The following SAMMSON variants were observed in gnomAD, a reference collection of about 807,000 sequenced individuals.
The protein encoded by SAMMSON is long intergenic non-protein coding RNA 1212.
chr3:70,020,771 T>G (rs1479314119), intron 3 of SAMMSON, among the ~76,000 whole-genome samples: 1 of 152,168 alleles, frequency 6.6e-6, no homozygotes, highest in East Asian at 1.9e-4. Context: ...CCTTTTACAA[T>G]TCAGGCATGA....
rs1448276510 is a variant in SAMMSON at position 70,337,375 on chromosome 3, G to C, written n.740-16800G>C. Among the ~76,000 whole-genome samples the C allele has an allele frequency of 2.0e-5, 3 of 151,362 alleles. No individual in the cohort carries two copies. In the East Asian group the frequency reaches 5.8e-4, roughly 29 times the overall value. On this transcript the variant is annotated intron_variant and non_coding_transcript_variant, in intron 7 of 9. Coordinates refer to ENST00000642114, the Ensembl canonical transcript of SAMMSON. Reference sequence around the variant, plus strand: ...CTTCTAGTCAAAGCTTCCTGAGAGTGGGCTGGCAAAGTTGGAATATAGCTA... The same window carrying C: ...CTTCTAGTCAAAGCTTCCTGAGAGTCGGCTGGCAAAGTTGGAATATAGCTA...
chr3:70,329,688 G>T (rs1051268031), intron 7 of SAMMSON, among the ~76,000 whole-genome samples: 10 of 151,870 alleles, frequency 6.6e-5, no homozygotes, highest in Non-Finnish European at 8.8e-5. Context: ...AAATTCATTT[G>T]TAGACATATT....
chr3:70,205,683 G>C (rs1021095368), intron 4 of SAMMSON: 3 of 152,094 alleles, frequency 2.0e-5, no homozygotes, highest in African/African-American at 7.2e-5. Context: ...AGAGGCAGAA[G>C]TGAAACTGAT....
rs535484643 is a variant in SAMMSON, at chr3:70,372,387, T to C, written n.913+14063T>C. 2.6e-4 allele frequency among the ~76,000 whole-genome samples: 40 copies of C among 152,156 alleles called. No individual in the cohort carries two copies. The South Asian group carries it at 8.3e-3, about 32-fold the overall frequency. On this transcript the variant is annotated intron_variant and non_coding_transcript_variant, in intron 9 of 9. Transcript: ENST00000642114. ...AGTACAATGGCGTGATCTTGGCTCA[T>C]TGCAACCTCCATCTCACAGGTTCAA...
chr3:70,228,092 T>TA (rs1165078906), intron 4 of SAMMSON, among the ~76,000 whole-genome samples: 1 of 151,936 alleles, frequency 6.6e-6, no homozygotes, highest in Non-Finnish European at 1.5e-5. Flanking sequence ...CTACTACTGT[T>TA]AAAATAACAT....
At chr3:70,211,863 TC>T (rs1250969610) in intron 4 of SAMMSON, among the ~76,000 whole-genome samples, 3 of 148,498 alleles carry the variant, frequency 2.0e-5, no homozygotes, top group Non-Finnish European at 4.5e-5. Context: ...TGCTTTTCTT[TC>T]TCCCTTCCCT....
intron 4 of SAMMSON, among the ~76,000 whole-genome samples, chr3:70,229,771 C>T (rs1008731081): frequency 6.6e-6 from 1 of 152,132 alleles, no homozygotes; most frequent in African/African-American, 2.4e-5. Flanking sequence ...TATCTATCTG[C>T]ATTGAGATTT....
chr3:70,161,009 A>C (rs1029773077), intron 4 of SAMMSON, among the ~76,000 whole-genome samples: 1 of 152,008 alleles, frequency 6.6e-6, no homozygotes, highest in Non-Finnish European at 1.5e-5. Flanking sequence ...TTAGTTTTGT[A>C]TGTTGATCTT....
chr3:70,076,894 CA>C (rs1385734011), intron 4 of SAMMSON, among the ~76,000 whole-genome samples: 2 of 152,002 alleles, frequency 1.3e-5, no homozygotes, highest in Non-Finnish European at 2.9e-5. Context: ...TATATTTGTT[CA>C]GGGGCTGAAA....
intron 4 of SAMMSON, among the ~76,000 whole-genome samples, chr3:70,097,444 T>C (rs1425475498): frequency 1.3e-5 from 2 of 152,220 alleles, no homozygotes; most frequent in Admixed American, 6.5e-5. Flanking sequence ...TGAATAAACT[T>C]CTTTTGCTAT....
At chr3:70,097,682 T>A (rs1001739837) in intron 4 of SAMMSON, among the ~76,000 whole-genome samples, 4 of 152,164 alleles carry the variant, frequency 2.6e-5, no homozygotes, top group African/African-American at 7.2e-5. Flanking sequence ...GGATTATATT[T>A]TTGACTTTCT....
intron 4 of SAMMSON, among the ~76,000 whole-genome samples, chr3:70,132,307 G>T (rs1177879562): frequency 6.6e-6 from 1 of 152,078 alleles, no homozygotes; most frequent in Non-Finnish European, 1.5e-5. Flanking sequence ...TGCACAGAGG[G>T]CCTTTTTGTC....
At chr3:70,126,104 T>C (rs1441541613) in intron 4 of SAMMSON, 2 of 1,249,822 alleles carry the variant, frequency 1.6e-6, no homozygotes, top group Non-Finnish European at 2.3e-6. Flanking sequence ...GCATTTACTC[T>C]GTTTGTTAGG....
At position 70,153,894 on chromosome 3, in the gene SAMMSON, C is replaced by T. The variant is rs530570769; in HGVS notation, n.507+82329C>T. ...CCCCAAAACTCCCCGTTCCAGAATA[C>T]TTATTCTACTTTTTGAATTTGACTA... is the stretch of plus-strand genomic sequence containing the variant. On this transcript the variant is annotated intron_variant and non_coding_transcript_variant, in intron 4 of 9. Coordinates refer to ENST00000642114, the Ensembl canonical transcript of SAMMSON. 8.5e-5 allele frequency among the ~76,000 whole-genome samples: 13 copies of T among 152,070 alleles called. No homozygotes were observed. In the East Asian group the frequency reaches 2.3e-3, roughly 27 times the overall value.
intron 3 of SAMMSON, among the ~76,000 whole-genome samples, chr3:70,057,997 G>A (rs2067174027): frequency 6.6e-6 from 1 of 152,050 alleles, no homozygotes; most frequent in Non-Finnish European, 1.5e-5. Context: ...TTTGTTGAGT[G>A]AATGAAATAT....
chr3:70,420,868 G>C (rs1031113108), intron 2 of SAMMSON, among the ~76,000 whole-genome samples: 1 of 152,140 alleles, frequency 6.6e-6, no homozygotes, highest in Admixed American at 6.5e-5. Context: ...TCATAAATTC[G>C]AAAGTGTAGA....
chr3:70,361,855 A>G (rs1702873442), intron 9 of SAMMSON, among the ~76,000 whole-genome samples: 3 of 152,176 alleles, frequency 2.0e-5, no homozygotes, highest in Non-Finnish European at 2.9e-5. Context: ...AAGAACATAA[A>G]TCCAAAAATA....
chr3:70,007,951 G>T (rs2066935555), intron 1 of SAMMSON, among the ~76,000 whole-genome samples: 1 of 152,008 alleles, frequency 6.6e-6, no homozygotes, highest in South Asian at 2.1e-4. Flanking sequence ...AGATCAGATG[G>T]TTGTAGATAC....
intron 4 of SAMMSON, among the ~76,000 whole-genome samples, chr3:70,144,193 T>C (rs2067539077): frequency 6.6e-6 from 1 of 152,134 alleles, no homozygotes; most frequent in African/African-American, 2.4e-5. Context: ...CATTAAACAA[T>C]ATGCATTATT....
Sources: gnomAD v4.1 joint callset for allele counts (sites outside exome capture counted in the v4.1 genomes callset) on GRCh38, gnomAD v4.1.1 for gene constraint, MANE v1.5 for transcripts, NCBI Gene and HGNC (gene_info 2026-07-23, HGNC 2026-07-21) for gene names.